The following STRA8 variants were observed in gnomAD, a reference collection of about 807,000 sequenced individuals.
STRA8 encodes the protein stimulated by retinoic acid 8, also known as stimulated by retinoic acid gene 8 protein homolog.
A neutral mutation model predicts 37.1 loss-of-function variants in STRA8; 18 were observed. That is an observed-to-expected ratio of 0.48 (90% CI 0.34 to 0.72). STRA8 has a LOEUF of 0.72. Among genes scored for constraint, STRA8 ranks in the 30% least tolerant of loss-of-function variants. The pLI is 0.01. For synonymous variants in STRA8, 168 were observed against 162.9 expected (o/e 1.03, Z -0.24); for missense variants, 357 against 410.4 (o/e 0.87, Z 1.13).
intron 1 of STRA8, among the ~76,000 whole-genome samples, chr7:135,236,274 G>A (rs6980111): frequency 6.9e-6 from 1 of 144,552 alleles, no homozygotes; most frequent in Admixed American, 7.0e-5. Flanking sequence ...ATATGTGTGT[G>A]TGTATGTGTG....
chr7:135,246,436 C>A lies in STRA8; in HGVS notation c.613C>A (p.Gln205Lys). ...TTCCAGGTATCTCAACTTTTACAAA[C>A]AGACGATGGACCTTCTGACTGGCAG... ...EFERYLNFYK[Q>K]TMDLLTGSGI... The change falls in exon 6 of 9, where the codon CAG (glutamine) becomes AAG (lysine). Residue 205 changes from glutamine (Q) to lysine (K), a missense_variant. Gln to Lys is a moderately conservative substitution (Grantham distance 53). Transcript: ENST00000662584. The surrounding 1 kb of genome is among the most constrained non-coding windows in gnomAD (Gnocchi z 5.4). 6.2e-7 allele frequency: 1 copy of A among 1,603,740 alleles called. No homozygotes were observed. Among genetic ancestry groups the A allele is most frequent in the East Asian group, 2.2e-5 (1 of 44,540 alleles).
Position 135,251,878 on chromosome 7 carries a change from G to A in STRA8, c.953+9G>A, listed in dbSNP as rs752291539. ...AGTACATCTAGCTCCAGGTGAGGAA[G>A]AGGGTGTGAGATAGCATGTGCCCCT... On this transcript the variant is annotated intron_variant, in intron 7 of 8. Transcript: ENST00000662584. 28 of 1,613,748 alleles carry A rather than the reference G, an allele frequency of 1.7e-5. No homozygotes were observed. The African/African-American group carries it at 2.5e-4, about 15-fold the overall frequency.
In STRA8 at chr7:135,240,662, C is replaced by T; in HGVS notation, c.138C>T (p.Leu46=). ...QARHRATLAA[L]FNNLRKTVYS... ...GCCACCGAGCCACCCTGGCAGCGCTCTTCAACAACCTCAGGAAGACAGTGT... is the reference window on the plus strand; with the variant it reads ...GCCACCGAGCCACCCTGGCAGCGCTTTTCAACAACCTCAGGAAGACAGTGT... The change falls in exon 2 of 9, where the codon CTC becomes CTT. Residue 46 remains leucine (L), a synonymous_variant. Transcript: ENST00000662584. 1 of 1,614,136 alleles carries T rather than the reference C, an allele frequency of 6.2e-7. No homozygotes were observed. The highest frequency in any genetic ancestry group is 8.5e-7 in the Non-Finnish European group (1 of 1,180,034).
rs888085048 is a variant in STRA8, at chr7:135,252,938, AT to A, written c.953+1081del. 2.7e-3 allele frequency among the ~76,000 whole-genome samples: 404 copies of A among 148,278 alleles called. 4 individuals carry two copies. The highest frequency in any genetic ancestry group is 8.8e-3 in the African/African-American group (358 of 40,612). ...CTCTGGAACCTCTTTCTTTAAAAAA[AT>A]TTTTTTTTTTTCTAAGACAGAGTCT... On this transcript the variant is annotated intron_variant, in intron 7 of 8. Coordinates refer to ENST00000662584, the MANE Select transcript of STRA8 (RefSeq NM_001394401.1).
chr7:135,232,119 T>C, upstream of STRA8: 1 of 723,280 alleles, frequency 1.4e-6, no homozygotes. Context: ...TGGCAGTGGT[T>C]GGGGCGGGAG....
chr7:135,252,427 A>C (rs1832650910), intron 7 of STRA8, among the ~76,000 whole-genome samples: 1 of 152,140 alleles, frequency 6.6e-6, no homozygotes, highest in Non-Finnish European at 1.5e-5. Flanking sequence ...GGGGATTATA[A>C]TTCAACAGGA....
Position 135,246,735 on chromosome 7 carries a change from G to A in STRA8, c.879+33G>A, listed in dbSNP as rs1033237665. 8 of 1,489,910 alleles carry A rather than the reference G, an allele frequency of 5.4e-6. No individual in the cohort carries two copies. In the African/African-American group the frequency reaches 9.9e-5, roughly 18 times the overall value. 92.3% of individuals were successfully genotyped at this position (1,489,910 alleles called of 1,614,324 possible). The stretch of plus-strand genomic sequence containing the variant: ...GGCCCACCGGGGTGGCGTGGATGGG[G>A]CACGGGAACCACCCTCGCCCTCGCC... On this transcript the variant is annotated intron_variant, in intron 6 of 8. Coordinates refer to ENST00000662584, the MANE Select transcript of STRA8 (RefSeq NM_001394401.1). This position sits in a 1 kb window ranked among gnomAD's most constrained non-coding sequence, Gnocchi z 5.4.
At chr7:135,244,159 A>G (rs1027003229) in intron 4 of STRA8, among the ~76,000 whole-genome samples, 1 of 152,212 alleles carries the variant, frequency 6.6e-6, no homozygotes, top group Non-Finnish European at 1.5e-5. Context: ...CCCAGGTTCA[A>G]GAACTTCTCC....
At chr7:135,239,945 G>A (rs1339410847) in intron 1 of STRA8, among the ~76,000 whole-genome samples, 3 of 152,070 alleles carry the variant, frequency 2.0e-5, no homozygotes, top group Non-Finnish European at 4.4e-5. Context: ...TGTACCCCTT[G>A]AGGGATTTTT....
intron 7 of STRA8, among the ~76,000 whole-genome samples, chr7:135,252,387 C>T (rs1242588056): frequency 6.6e-6 from 1 of 152,142 alleles, no homozygotes; most frequent in African/African-American, 2.4e-5. Flanking sequence ...CAATCACACA[C>T]CCCCTCACCA....
At position 135,255,184 on chromosome 7, in the gene STRA8, T is replaced by C; in HGVS notation, c.1024T>C (p.Phe342Leu). The C allele has an allele frequency of 6.2e-7, 1 of 1,613,974 alleles. No homozygotes were observed. Among genetic ancestry groups the C allele is most frequent in the South Asian group, 1.1e-5 (1 of 91,086 alleles). Residue 342 changes from phenylalanine (F) to leucine (L), a missense_variant, in exon 8 of 9, where the codon TTT (phenylalanine) becomes CTT (leucine). By Grantham distance (22) the Phe-to-Leu change is conservative (BLOSUM62 0). Coordinates refer to ENST00000662584, the MANE Select transcript of STRA8 (RefSeq NM_001394401.1). ...KFQLYMQIIN[F>L]FKGLSCANTQ... ...TCAGCTCTATATGCAGATCATCAACTTTTTTAAAGGCCTTAGCTGTGCAAA... is the reference window on the plus strand; with the variant it reads ...TCAGCTCTATATGCAGATCATCAACCTTTTTAAAGGCCTTAGCTGTGCAAA...
upstream of STRA8, among the ~76,000 whole-genome samples, chr7:135,232,760 A>T (rs749763936): frequency 3.9e-5 from 6 of 152,342 alleles, no homozygotes; most frequent in Non-Finnish European, 8.8e-5. Flanking sequence ...TAAGCCTCCC[A>T]GGTACCCTAC....
intron 7 of STRA8, among the ~76,000 whole-genome samples, chr7:135,252,814 G>A (rs2129480003): frequency 6.6e-6 from 1 of 152,316 alleles, no homozygotes; most frequent in African/African-American, 2.4e-5. Flanking sequence ...TCTGGAGGTT[G>A]GGGAGTCTAC....
chr7:135,252,013 AGTGT>A (rs59621186), intron 7 of STRA8, 144 bp downstream of exon 7: 294 of 504,986 alleles, frequency 5.8e-4, no homozygotes, highest in South Asian at 1.6e-3. Context: ...AGAGAGAGAG[AGTGT>A]GTGTGTGTGT....
rs759278064 is a variant in STRA8, at chr7:135,240,503, T to C, written c.-6-16T>C. ...ATTATCTAGGGCAAAAAAAAAAGCATACTATTACATTACAGCTTATAATGG... is the reference window on the plus strand; with the variant it reads ...ATTATCTAGGGCAAAAAAAAAAGCACACTATTACATTACAGCTTATAATGG... On this transcript the variant is annotated splice_polypyrimidine_tract_variant and intron_variant, in intron 1 of 8. Transcript: ENST00000662584. 6.3e-6 allele frequency: 10 copies of C among 1,594,502 alleles called. No individual in the cohort carries two copies. In the South Asian group the frequency reaches 1.0e-4, roughly 16 times the overall value.
chr7:135,246,323 G>T lies in STRA8; in HGVS notation c.594-94G>T. ...CCTGGTGAGCCGTGGCGCCGTGGCC[G>T]GGCCTGCGTGCTGGGGTCCACACCA... On this transcript the variant is annotated intron_variant, in intron 5 of 8. Coordinates refer to ENST00000662584, the MANE Select transcript of STRA8 (RefSeq NM_001394401.1). This position sits in a 1 kb window ranked among gnomAD's most constrained non-coding sequence, Gnocchi z 5.4. The T allele has an allele frequency of 6.6e-7, 1 of 1,512,416 alleles. No homozygotes were observed. Among genetic ancestry groups the T allele is most frequent in the Non-Finnish European group, 9.0e-7 (1 of 1,114,508 alleles). 93.7% of individuals were successfully genotyped at this position (1,512,416 alleles called of 1,614,324 possible).
intron 6 of STRA8, among the ~76,000 whole-genome samples, chr7:135,250,101 A>G (rs916718774): frequency 1.3e-5 from 2 of 152,240 alleles, no homozygotes; most frequent in Non-Finnish European, 2.9e-5. Context: ...GTTCTGCTGC[A>G]GAACTGTTGT....
At chr7:135,234,099 TG>T (rs1562967303) in intron 1 of STRA8, among the ~76,000 whole-genome samples, 196 bp downstream of exon 1, 52 of 150,382 alleles carry the variant, frequency 3.5e-4, no homozygotes, top group Admixed American at 6.0e-4. Flanking sequence ...ATGATGATGA[TG>T]ATGATTATTA....
In STRA8 at chr7:135,246,700, G is replaced by GAGGT. The variant is rs1562971545; in HGVS notation, c.878_879+2dup. On this transcript the variant is annotated frameshift_variant and splice_region_variant, in exon 6 of 9. Coordinates refer to ENST00000662584, the MANE Select transcript of STRA8 (RefSeq NM_001394401.1). LOFTEE classifies it high-confidence loss of function. This position sits in a 1 kb window ranked among gnomAD's most constrained non-coding sequence, Gnocchi z 5.4. ...CTGCTCGCTGGTCTCCACGCCCGAG[G>GAGGT]AGGTGAGCAGGCCCACCGGGGTGGC... The GAGGT allele has an allele frequency of 6.6e-7, 1 of 1,519,640 alleles. No homozygotes were observed. Among genetic ancestry groups the GAGGT allele is most frequent in the Non-Finnish European group, 8.8e-7 (1 of 1,141,540 alleles). 94.1% of individuals were successfully genotyped at this position (1,519,640 alleles called of 1,614,324 possible). A position where few individuals can be genotyped will look rare whatever the true frequency, so the allele number is the denominator to read the frequency against.
Sources: allele counts gnomAD v4.1 joint callset (sites outside exome capture counted in the v4.1 genomes callset), GRCh38; gene constraint gnomAD v4.1.1; non-coding constraint Gnocchi (gnomAD v3.1); transcripts MANE v1.5; gene names NCBI Gene and HGNC (gene_info 2026-07-23, HGNC 2026-07-21).